The following ANGPT1 variants were observed in gnomAD, a reference collection of about 807,000 sequenced individuals.
The protein encoded by ANGPT1 is angiopoietin 1.
ANGPT1 carries 17 observed loss-of-function variants against 62.2 expected under a neutral mutation model. The ratio of observed to expected loss-of-function variants is 0.27; its 90% CI spans 0.19 to 0.41. ANGPT1 has a LOEUF of 0.41. ANGPT1 is among the 10% of genes least tolerant of loss of function. The pLI is 1.00. For synonymous variants in ANGPT1, 199 were observed against 198.9 expected (o/e 1.00, Z 0.00); for missense variants, 478 against 594.9 (o/e 0.80, Z 2.04).
chr8:107,265,449 A>G (rs1464799223), intron 7 of ANGPT1, among the ~76,000 whole-genome samples: 1 of 152,176 alleles, frequency 6.6e-6, no homozygotes, highest in East Asian at 1.9e-4. Context: ...CTTAGAACTA[A>G]TGTAAACTTG....
At chr8:107,292,698 A>C (rs1287844480) in intron 6 of ANGPT1, among the ~76,000 whole-genome samples, 1 of 152,182 alleles carries the variant, frequency 6.6e-6, no homozygotes, top group African/African-American at 2.4e-5. Context: ...TGAGTATCTG[A>C]TAAAAATGTA....
At chr8:107,353,651 A>T (rs1815979753) in intron 1 of ANGPT1, among the ~76,000 whole-genome samples, 1 of 152,068 alleles carries the variant, frequency 6.6e-6, no homozygotes, top group Non-Finnish European at 1.5e-5. Context: ...ATGGCAAAAA[A>T]CAGAACCAAA....
At chr8:107,330,617 G>T (rs73701097) in intron 3 of ANGPT1, among the ~76,000 whole-genome samples, 7 of 152,124 alleles carry the variant, frequency 4.6e-5, no homozygotes, top group Non-Finnish European at 8.8e-5. Flanking sequence ...TCTGGATAAG[G>T]ACTGGAGTGG....
chr8:107,450,253 T>G (rs777293165), intron 1 of ANGPT1, among the ~76,000 whole-genome samples: 4 of 152,050 alleles, frequency 2.6e-5, no homozygotes, highest in Admixed American at 6.6e-5. Context: ...TATTACTTCT[T>G]GTTAACAAAC....
intron 8 of ANGPT1, among the ~76,000 whole-genome samples, chr8:107,263,124 T>G (rs554641210): frequency 3.9e-5 from 6 of 151,918 alleles, no homozygotes; most frequent in Admixed American, 6.6e-5. Flanking sequence ...GAGAGCAAGG[T>G]GGGCGGATCA....
At chr8:107,389,289 C>T (rs539992958) in intron 1 of ANGPT1, among the ~76,000 whole-genome samples, 13 of 152,266 alleles carry the variant, frequency 8.5e-5, no homozygotes, top group African/African-American at 2.4e-4. Flanking sequence ...GCAAGGACTA[C>T]GTGCTATGTC....
At chr8:107,400,655 G>T (rs1275779122) in intron 1 of ANGPT1, among the ~76,000 whole-genome samples, 1 of 151,776 alleles carries the variant, frequency 6.6e-6, no homozygotes, top group South Asian at 2.1e-4. Context: ...CACCTCCCAG[G>T]TTCATGCAAT....
At chr8:107,337,696 C>G (rs957604304) in intron 2 of ANGPT1, among the ~76,000 whole-genome samples, 4 of 152,192 alleles carry the variant, frequency 2.6e-5, no homozygotes, top group African/African-American at 9.6e-5. Context: ...AGGTCAATAT[C>G]AATGTAAAGT....
intron 1 of ANGPT1, among the ~76,000 whole-genome samples, chr8:107,348,876 C>G (rs1011954477): frequency 1.3e-5 from 2 of 152,178 alleles, no homozygotes; most frequent in African/African-American, 4.8e-5. Flanking sequence ...TCTAACTTGT[C>G]AAGCCAGAAT....
intron 1 of ANGPT1, among the ~76,000 whole-genome samples, chr8:107,464,746 C>T (rs1563634548): frequency 6.6e-6 from 1 of 152,074 alleles, no homozygotes; most frequent in Non-Finnish European, 1.5e-5. Context: ...TGAGTGAATA[C>T]AAGTGAAGCT....
intron 1 of ANGPT1, among the ~76,000 whole-genome samples, chr8:107,419,392 T>C (rs1810839186): frequency 6.6e-6 from 1 of 152,172 alleles, no homozygotes; most frequent in South Asian, 2.1e-4. Context: ...CTCAAAGCTA[T>C]AAATGCCAGG....
intron 5 of ANGPT1, among the ~76,000 whole-genome samples, chr8:107,299,161 C>CA (rs1372345724): frequency 6.6e-6 from 1 of 151,436 alleles, no homozygotes; most frequent in African/African-American, 2.4e-5. Context: ...CATGGGGCAA[C>CA]AGGTTCATAT....
At chr8:107,486,624 C>T (rs761916271) in intron 1 of ANGPT1, among the ~76,000 whole-genome samples, 1 of 152,120 alleles carries the variant, frequency 6.6e-6, no homozygotes, top group Admixed American at 6.5e-5. Context: ...CTTAATAACT[C>T]TATGGCATAG....
At chr8:107,348,568 A>G (rs529838162) in intron 1 of ANGPT1, among the ~76,000 whole-genome samples, 2 of 152,336 alleles carry the variant, frequency 1.3e-5, no homozygotes, top group East Asian at 3.9e-4. Flanking sequence ...AAAGTTTATT[A>G]TAAAACAAAT....
chr8:107,392,266 C>T (rs961443497), intron 1 of ANGPT1, among the ~76,000 whole-genome samples: 4 of 152,096 alleles, frequency 2.6e-5, no homozygotes, highest in African/African-American at 7.2e-5. Context: ...ATTGCAATCC[C>T]GACAAATTTC....
At chr8:107,258,709 A>C (rs997693739) in intron 8 of ANGPT1, among the ~76,000 whole-genome samples, 5 of 152,154 alleles carry the variant, frequency 3.3e-5, no homozygotes, top group African/African-American at 1.2e-4. Context: ...CCTAACACTC[A>C]AATTTTTATA....
intron 4 of ANGPT1, among the ~76,000 whole-genome samples, chr8:107,319,623 T>C (rs1815105074): frequency 6.6e-6 from 1 of 151,930 alleles, no homozygotes; most frequent in African/African-American, 2.4e-5. Flanking sequence ...TACCCATGTG[T>C]TTTAGAATTT....
intron 1 of ANGPT1, among the ~76,000 whole-genome samples, chr8:107,356,585 A>T (rs1043804974): frequency 2.0e-5 from 3 of 152,192 alleles, no homozygotes; most frequent in African/African-American, 4.8e-5. Context: ...ATGACACTGC[A>T]TTCCAGCCTA....
chr8:107,287,398 G>T (rs1231039660), intron 6 of ANGPT1, among the ~76,000 whole-genome samples: 1 of 152,158 alleles, frequency 6.6e-6, no homozygotes, highest in Admixed American at 6.6e-5. Flanking sequence ...CTTTCAGGAA[G>T]AAGTGACTAA....
Sources: allele counts gnomAD v4.1 joint callset (sites outside exome capture counted in the v4.1 genomes callset), GRCh38; gene constraint gnomAD v4.1.1; transcripts MANE v1.5; gene names NCBI Gene and HGNC (gene_info 2026-07-23, HGNC 2026-07-21).